TNPO1: variants seen among roughly 807,000 people sequenced by gnomAD.
The protein encoded by TNPO1 is transportin 1.
In TNPO1, 8 loss-of-function variants were observed where a neutral mutation model predicts 119.5. That is an observed-to-expected ratio of 0.07 (90% CI 0.04 to 0.12). The LOEUF is 0.12. TNPO1 is among the 10% of genes least tolerant of loss of function. The pLI is 1.00. For missense variants in TNPO1, 576 were observed against 1,089.8 expected (o/e 0.53, Z 6.64); for synonymous variants, 362 against 363.0 (o/e 1.00, Z 0.03).
At chr5:72,905,862 A>C (rs971339556) in intron 24 of TNPO1, among the ~76,000 whole-genome samples, 1 of 152,158 alleles carries the variant, frequency 6.6e-6, no homozygotes. Context: ...TTGCCAGTGC[A>C]CTCCAGCCTA....
chr5:72,844,840 T>C (rs994047426), intron 1 of TNPO1, among the ~76,000 whole-genome samples: 6 of 152,242 alleles, frequency 3.9e-5, no homozygotes, highest in African/African-American at 1.4e-4. Flanking sequence ...AGAAGCTATA[T>C]ATTTTTACTT....
chr5:72,826,801 T>C (rs1006321934), intron 1 of TNPO1, among the ~76,000 whole-genome samples: 1 of 152,166 alleles, frequency 6.6e-6, no homozygotes, highest in Non-Finnish European at 1.5e-5. Flanking sequence ...GCTACAAGGA[T>C]ACATAACCAA....
Position 72,909,464 on chromosome 5 carries a change from A to C in TNPO1, c.*791A>C, listed in dbSNP as rs1231216774. On this transcript the variant is annotated 3_prime_UTR_variant, in exon 25 of 25. Coordinates refer to ENST00000337273, the MANE Select transcript of TNPO1 (RefSeq NM_002270.4). ...TTTGCATTGAACATTAATGTAGCGG[A>C]TATAATTTGATGATTATACTTCATT... 6.6e-6 allele frequency: 1 copy of C among 152,164 alleles called. No individual in the cohort carries two copies. Among genetic ancestry groups the C allele is most frequent in the Non-Finnish European group, 1.5e-5 (1 of 68,030 alleles). The allele number at this position is 152,164 out of a possible 1,614,324, so 9.4% of individuals were successfully genotyped here.
In TNPO1 at chr5:72,914,341, T is replaced by G. The variant is rs918080287; in HGVS notation, c.*5668T>G. The G allele has an allele frequency of 6.6e-6, 1 of 152,640 alleles. No individual in the cohort carries two copies. Among genetic ancestry groups the G allele is most frequent in the Non-Finnish European group, 1.5e-5 (1 of 68,014 alleles). 9.5% of individuals were successfully genotyped at this position (152,640 alleles called of 1,614,324 possible). A position where few individuals can be genotyped will look rare whatever the true frequency, so the allele number is the denominator to read the frequency against. On this transcript the variant is annotated 3_prime_UTR_variant, in exon 25 of 25. Coordinates refer to ENST00000337273, the MANE Select transcript of TNPO1 (RefSeq NM_002270.4). ...TTTGTATGATGTGACATAATAGATG[T>G]GAATGTTAATCACTGCTTGACTATG... is the stretch of plus-strand genomic sequence containing the variant.
At chr5:72,897,511 A>C (rs1749518744) in intron 20 of TNPO1, among the ~76,000 whole-genome samples, 1 of 151,980 alleles carries the variant, frequency 6.6e-6, no homozygotes, top group African/African-American at 2.4e-5. Context: ...ATCTGTCCAA[A>C]TGTAGTCAAA....
chr5:72,908,501 A>G (rs907463360), intron 24 of TNPO1, among the ~76,000 whole-genome samples: 1 of 152,156 alleles, frequency 6.6e-6, no homozygotes, highest in African/African-American at 2.4e-5. Context: ...CTCACTTTTC[A>G]TACCTGATGC....
rs1191341412 is a variant in TNPO1, at chr5:72,875,687, C to T, written c.751C>T (p.Leu251Phe). The change falls in exon 8 of 25, where the codon CTC becomes TTC. Residue 251 changes from leucine to phenylalanine, a missense_variant. By Grantham distance (22) the Leu-to-Phe change is conservative. Coordinates refer to ENST00000337273, the MANE Select transcript of TNPO1 (RefSeq NM_002270.4). ...KNVCRALVML[L>F]EVRMDRLLPH... is the part of the protein sequence containing the mutation. ...TGTGTGCCGAGCACTTGTGATGTTG[C>T]TCGAAGTTCGAATGGATCGCCTGCT... 1 of 1,613,494 alleles carries T rather than the reference C, an allele frequency of 6.2e-7. No homozygotes were observed. Among genetic ancestry groups the T allele is most frequent in the Non-Finnish European group, 8.5e-7 (1 of 1,179,540 alleles).
Position 72,875,689 on chromosome 5 carries a change from C to A in TNPO1, c.753C>A (p.Leu251=). The A allele has an allele frequency of 6.2e-7, 1 of 1,613,186 alleles. No homozygotes were observed. The highest frequency in any genetic ancestry group is 1.7e-5 in the Admixed American group (1 of 59,976). The change falls in exon 8 of 25, where the codon CTC becomes CTA. Residue 251 remains leucine, a synonymous_variant. Transcript: ENST00000337273. The part of the protein sequence containing the change: ...KNVCRALVML[L]EVRMDRLLPH... ...TGTGCCGAGCACTTGTGATGTTGCTCGAAGTTCGAATGGATCGCCTGCTTC... is the reference window on the plus strand; with the variant it reads ...TGTGCCGAGCACTTGTGATGTTGCTAGAAGTTCGAATGGATCGCCTGCTTC...
At chr5:72,866,426 T>C (rs1426579619) in intron 6 of TNPO1, among the ~76,000 whole-genome samples, 1 of 152,150 alleles carries the variant, frequency 6.6e-6, no homozygotes, top group Non-Finnish European at 1.5e-5. Context: ...AATGTGGCAA[T>C]ATACATACTT....
chr5:72,864,858 G>A (rs1350319964), intron 5 of TNPO1, among the ~76,000 whole-genome samples: 3 of 151,878 alleles, frequency 2.0e-5, no homozygotes, highest in South Asian at 2.1e-4. Flanking sequence ...ATCCACCCGC[G>A]TCGGCCTCCC....
chr5:72,866,007 T>G (rs1746861330), intron 6 of TNPO1, among the ~76,000 whole-genome samples: 2 of 152,212 alleles, frequency 1.3e-5, no homozygotes, highest in South Asian at 4.1e-4. Flanking sequence ...TCTAACTTCC[T>G]TTATTTAAGG....
rs768294052 is a variant in TNPO1, at chr5:72,861,812, T to C, written c.360T>C (p.Ile120=). The C allele has an allele frequency of 1.2e-6, 2 of 1,612,056 alleles. No individual in the cohort carries two copies. Reference sequence around the variant, plus strand: ...AGAAGTGTGTTTTTGTTCAAGGTATTTTGATCACAACTATAGCCTCCAAGG... The same window carrying C: ...AGAAGTGTGTTTTTGTTCAAGGTATCTTGATCACAACTATAGCCTCCAAGG... ...SSPLIRATVG[I]LITTIASKGE... The change falls in exon 5 of 25, where the codon ATT becomes ATC. Residue 120 remains isoleucine (I), a synonymous_variant. Coordinates refer to ENST00000337273, the MANE Select transcript of TNPO1 (RefSeq NM_002270.4).
intron 4 of TNPO1, among the ~76,000 whole-genome samples, chr5:72,860,653 G>C (rs1746372283): frequency 6.6e-6 from 1 of 152,218 alleles, no homozygotes; most frequent in African/African-American, 2.4e-5. Context: ...AACTGTTGTA[G>C]GAGTATGTAG....
intron 1 of TNPO1, chr5:72,848,160 C>T (rs1023296404): frequency 1.9e-5 from 23 of 1,207,950 alleles, no homozygotes; most frequent in East Asian, 3.9e-5. Flanking sequence ...GCGGCCGCGG[C>T]GGCAGCAGCA....
At chr5:72,830,915 T>C (rs1487977942) in intron 1 of TNPO1, among the ~76,000 whole-genome samples, 1 of 152,158 alleles carries the variant, frequency 6.6e-6, no homozygotes, top group Non-Finnish European at 1.5e-5. Context: ...TGTAAGTGTA[T>C]AGTCATGAAT....
At chr5:72,878,209 T>TC (rs1379001274) in intron 9 of TNPO1, among the ~76,000 whole-genome samples, 2 of 152,160 alleles carry the variant, frequency 1.3e-5, no homozygotes, top group Admixed American at 1.3e-4. Context: ...TGGCTTTTTT[T>TC]CCCCTCATAA....
chr5:72,903,829 T>C lies in TNPO1; in HGVS notation c.2589+46T>C, dbSNP rs1366636121. On this transcript the variant is annotated intron_variant, in intron 23 of 24. Coordinates refer to ENST00000337273, the MANE Select transcript of TNPO1 (RefSeq NM_002270.4). Reference sequence around the variant, plus strand: ...ATGCATCATCTTGAGACTGTTAATATCCTAGTGGAAAACTTTAAATTATGT... The same window carrying C: ...ATGCATCATCTTGAGACTGTTAATACCCTAGTGGAAAACTTTAAATTATGT... 4 of 1,277,408 alleles carry C rather than the reference T, an allele frequency of 3.1e-6. No homozygotes were observed. The South Asian group carries it at 5.5e-5, about 17-fold the overall frequency. 79.1% of individuals were successfully genotyped at this position (1,277,408 alleles called of 1,614,324 possible).
At chr5:72,834,014 G>C (rs1031365050) in intron 1 of TNPO1, among the ~76,000 whole-genome samples, 3 of 152,048 alleles carry the variant, frequency 2.0e-5, no homozygotes, top group African/African-American at 7.2e-5. Context: ...CTACACTCAT[G>C]CATTTCAGTC....
chr5:72,816,927 G>C, intron 1 of TNPO1, 175 bp downstream of exon 1: 1 of 683,128 alleles, frequency 1.5e-6, no homozygotes, highest in Non-Finnish European at 2.2e-6. Context: ...CCCAACAGCT[G>C]CCCGCCCAGG....
Sources: gnomAD v4.1 joint callset for allele counts (sites outside exome capture counted in the v4.1 genomes callset) on GRCh38, gnomAD v4.1.1 for gene constraint, MANE v1.5 for transcripts, NCBI Gene and HGNC (gene_info 2026-07-23, HGNC 2026-07-21) for gene names.